PGM2L1: variants seen among roughly 807,000 people sequenced by gnomAD.
The protein encoded by PGM2L1 is phosphoglucomutase 2 like 1.
In PGM2L1, 35 loss-of-function variants were observed where a neutral mutation model predicts 73.4. That is an observed-to-expected ratio of 0.48 (90% CI 0.36 to 0.63). The LOEUF (loss-of-function observed/expected upper bound fraction) is 0.63, where lower values mean the gene tolerates loss of function less well. Among genes scored for constraint, PGM2L1 ranks in the 30% least tolerant of loss-of-function variants. PGM2L1 has a pLI of 0.00. For missense variants in PGM2L1, 570 were observed against 742.0 expected, an observed-to-expected ratio of 0.77 and a Z score of 2.69; for synonymous variants, 225 against 253.8, an observed-to-expected ratio of 0.89 and a Z score of 1.08.
At chr11:74,357,513 A>G (rs1467782954) in intron 5 of PGM2L1, among the ~76,000 whole-genome samples, 1 of 152,270 alleles carries the variant, frequency 6.6e-6, no homozygotes, top group Non-Finnish European at 1.5e-5. Flanking sequence ...CAAAATCCAG[A>G]ACACTGACAA....
At chr11:74,366,638 C>T (rs1862664156) in intron 5 of PGM2L1, among the ~76,000 whole-genome samples, 1 of 151,708 alleles carries the variant, frequency 6.6e-6, no homozygotes, top group Non-Finnish European at 1.5e-5. Context: ...TGGGGAAGAG[C>T]AATCCAAGCA....
chr11:74,390,088 C>A (rs1863076841), intron 1 of PGM2L1, among the ~76,000 whole-genome samples: 1 of 147,532 alleles, frequency 6.8e-6, no homozygotes, highest in African/African-American at 2.5e-5. Flanking sequence ...CACTGCACTC[C>A]AGCCTGGGCG....
chr11:74,373,523 G>A (rs1023724531), intron 2 of PGM2L1, among the ~76,000 whole-genome samples: 1 of 152,176 alleles, frequency 6.6e-6, no homozygotes, highest in East Asian at 1.9e-4. Flanking sequence ...GGCCTCAAAA[G>A]TATAGTTATT....
intron 1 of PGM2L1, among the ~76,000 whole-genome samples, chr11:74,389,947 C>CAAGAAAAAAAA (rs1863070833): frequency 2.6e-5 from 1 of 38,572 alleles, no homozygotes; most frequent in East Asian, 7.1e-4. Context: ...ACTAAAAATA[C>CAAGAAAAAAAA]AAAAAAAAAA....
intron 9 of PGM2L1, among the ~76,000 whole-genome samples, chr11:74,343,767 AT>A (rs1862219811): frequency 8.4e-6 from 1 of 119,322 alleles, no homozygotes; most frequent in Non-Finnish European, 1.7e-5. Flanking sequence ...GCTTTACATT[AT>A]CTTTTTTTTT....
intron 5 of PGM2L1, among the ~76,000 whole-genome samples, chr11:74,358,169 T>C (rs1862491830): frequency 6.6e-6 from 1 of 152,182 alleles, no homozygotes; most frequent in African/African-American, 2.4e-5. Flanking sequence ...CTATGGGCTT[T>C]GGGTGATAAT....
intron 1 of PGM2L1, among the ~76,000 whole-genome samples, chr11:74,382,510 T>C (rs1334766565): frequency 6.6e-6 from 1 of 152,060 alleles, no homozygotes; most frequent in Admixed American, 6.5e-5. Flanking sequence ...TTTATTTTTA[T>C]TTTTTTGAGG....
At chr11:74,343,553 T>A in intron 9 of PGM2L1, 137 bp from the exon 10 acceptor site, 2 of 1,286,392 alleles carry the variant, frequency 1.6e-6, no homozygotes, top group Non-Finnish European at 2.1e-6. Flanking sequence ...ATTTATACAG[T>A]AGCAGACATA....
chr11:74,397,859 T>C, intron 1 of PGM2L1, 192 bp downstream of exon 1: 1 of 951,774 alleles, frequency 1.1e-6, no homozygotes, highest in East Asian at 3.1e-5. Context: ...GCGATGCAGA[T>C]GTTGCCGCCC....
At chr11:74,396,325 C>T (rs914846480) in intron 1 of PGM2L1, among the ~76,000 whole-genome samples, 2 of 151,538 alleles carry the variant, frequency 1.3e-5, no homozygotes, top group Non-Finnish European at 2.9e-5. Flanking sequence ...TTAAAACTGG[C>T]ACCTAAAGAG....
chr11:74,371,589 G>T, intron 3 of PGM2L1, 122 bp downstream of exon 3: 1 of 663,090 alleles, frequency 1.5e-6, no homozygotes, highest in Non-Finnish European at 2.5e-6. Context: ...GTAAATATTA[G>T]CATGTGATCA....
At chr11:74,364,139 A>T (rs1591180175) in intron 5 of PGM2L1, among the ~76,000 whole-genome samples, 1 of 152,352 alleles carries the variant, frequency 6.6e-6, no homozygotes, top group East Asian at 1.9e-4. Flanking sequence ...ATAGATGCAG[A>T]AAAGGCCTTT....
intron 5 of PGM2L1, among the ~76,000 whole-genome samples, chr11:74,359,637 C>G (rs755845280): frequency 6.6e-6 from 1 of 151,852 alleles, no homozygotes; most frequent in Non-Finnish European, 1.5e-5. Context: ...AAGAAAAAGA[C>G]AGTCTGTAAG....
At chr11:74,390,241 ACTGTC>A (rs1215476244) in intron 1 of PGM2L1, among the ~76,000 whole-genome samples, 2 of 151,938 alleles carry the variant, frequency 1.3e-5, no homozygotes, top group African/African-American at 4.8e-5. Flanking sequence ...TATTTTGAAA[ACTGTC>A]AGGTGAGACA....
intron 13 of PGM2L1, among the ~76,000 whole-genome samples, 173 bp downstream of exon 13, chr11:74,338,295 C>T (rs937641321): frequency 3.0e-4 from 45 of 152,100 alleles, no homozygotes; most frequent in African/African-American, 1.0e-3. Context: ...CTCATGGCTA[C>T]GGGCTTTTGG....
At chr11:74,344,973 T>G in intron 9 of PGM2L1, among the ~76,000 whole-genome samples, 1 of 152,228 alleles carries the variant, frequency 6.6e-6, no homozygotes, top group East Asian at 1.9e-4. Context: ...AATGGTCAGC[T>G]TAAGGGTCTT....
intron 1 of PGM2L1, among the ~76,000 whole-genome samples, chr11:74,391,716 T>C (rs1034182978): frequency 5.3e-5 from 8 of 152,248 alleles, no homozygotes; most frequent in Non-Finnish European, 8.8e-5. Flanking sequence ...ATTTCCTTTT[T>C]ATAGTTTGAT....
At chr11:74,384,190 C>G (rs943673343) in intron 1 of PGM2L1, among the ~76,000 whole-genome samples, 1 of 151,996 alleles carries the variant, frequency 6.6e-6, no homozygotes. Flanking sequence ...ACTGACCTAT[C>G]TTGTAGTTTG....
At chr11:74,395,771 GTTTACTCCTAC>G (rs1488814336) in intron 1 of PGM2L1, among the ~76,000 whole-genome samples, 1 of 151,532 alleles carries the variant, frequency 6.6e-6, no homozygotes, top group East Asian at 1.9e-4. Context: ...TCAGTCCACC[GTTTACTCCTAC>G]TTTTGAACTG....
Sources: allele counts gnomAD v4.1 joint callset (sites outside exome capture counted in the v4.1 genomes callset), GRCh38; gene constraint gnomAD v4.1.1; transcripts MANE v1.5; gene names NCBI Gene and HGNC (gene_info 2026-07-23, HGNC 2026-07-21).